ENOX1: variants seen among roughly 807,000 people sequenced by gnomAD.
ENOX1 encodes the protein ecto-NOX disulfide-thiol exchanger 1, also known as candidate growth-related and time keeping constitutive hydroquinone (NADH) oxidase.
A neutral mutation model predicts 82.5 loss-of-function variants in ENOX1; 42 were observed. That is an observed-to-expected ratio of 0.51 (90% CI 0.40 to 0.66). The LOEUF (loss-of-function observed/expected upper bound fraction) is 0.66. ENOX1 is among the 30% of genes least tolerant of loss of function. ENOX1 has a pLI of 0.00. For missense variants in ENOX1, 608 were observed against 811.6 expected, an observed-to-expected ratio of 0.75 and a Z score of 3.05; for synonymous variants, 271 against 282.2, an observed-to-expected ratio of 0.96 and a Z score of 0.40.
At chr13:43,560,422 T>C (rs1295086994) in intron 2 of ENOX1, among the ~76,000 whole-genome samples, 3 of 152,196 alleles carry the variant, frequency 2.0e-5, no homozygotes, top group African/African-American at 7.2e-5. Flanking sequence ...CACCACTAGA[T>C]AGCATCAACT....
intron 2 of ENOX1, among the ~76,000 whole-genome samples, chr13:43,526,713 C>T (rs1593638930): frequency 6.6e-6 from 1 of 152,108 alleles, no homozygotes; most frequent in African/African-American, 2.4e-5. Flanking sequence ...TATTGTTATA[C>T]TCTAGCCTAC....
intron 2 of ENOX1, chr13:43,609,925 G>A (rs1011325208): frequency 4.3e-5 from 42 of 980,666 alleles, no homozygotes; most frequent in Non-Finnish European, 5.0e-5. Context: ...TCCATCTGGA[G>A]AAGAGCAAGA....
At chr13:43,568,543 G>A (rs2080021985) in intron 2 of ENOX1, among the ~76,000 whole-genome samples, 1 of 152,162 alleles carries the variant, frequency 6.6e-6, no homozygotes, top group African/African-American at 2.4e-5. Flanking sequence ...CTCCACTTGA[G>A]CTTCTAGGGG....
intron 3 of ENOX1, among the ~76,000 whole-genome samples, chr13:43,416,184 TCCTCACA>T (rs2153602226): frequency 4.0e-5 from 5 of 124,188 alleles, no homozygotes; most frequent in East Asian, 2.5e-4. Context: ...ACAGAAGCGC[TCCTCACA>T]TCCCAGACGG....
intron 5 of ENOX1, among the ~76,000 whole-genome samples, chr13:43,407,633 T>C (rs1020299734): frequency 6.6e-6 from 1 of 152,164 alleles, no homozygotes; most frequent in Non-Finnish European, 1.5e-5. Flanking sequence ...ATCCCACTCT[T>C]TGAGAACTAC....
chr13:43,266,722 G>T (rs561743636), intron 13 of ENOX1, among the ~76,000 whole-genome samples: 19 of 152,232 alleles, frequency 1.2e-4, no homozygotes, highest in Admixed American at 5.9e-4. Flanking sequence ...GGACACAAAA[G>T]GACTTTTTAA....
intron 1 of ENOX1, among the ~76,000 whole-genome samples, chr13:43,720,763 T>C (rs190514838): frequency 3.5e-4 from 54 of 152,298 alleles, no homozygotes; most frequent in Admixed American, 3.0e-3. Flanking sequence ...TTTTTGATGC[T>C]CCATGAAGAC....
intron 2 of ENOX1, among the ~76,000 whole-genome samples, chr13:43,571,906 T>A (rs2080201551): frequency 6.6e-6 from 1 of 151,696 alleles, no homozygotes; most frequent in African/African-American, 2.4e-5. Context: ...GTGGGGGTGG[T>A]GCATGCGCAA....
chr13:43,468,833 T>A (rs2057861599), intron 3 of ENOX1, among the ~76,000 whole-genome samples: 1 of 152,210 alleles, frequency 6.6e-6, no homozygotes, highest in Non-Finnish European at 1.5e-5. Context: ...CTGCTTTTGT[T>A]AAGTTTATTC....
chr13:43,553,866 G>A (rs1309635250), intron 2 of ENOX1, among the ~76,000 whole-genome samples: 1 of 152,176 alleles, frequency 6.6e-6, no homozygotes, highest in Non-Finnish European at 1.5e-5. Context: ...TCCTGCTTCA[G>A]CCTCCCGAGC....
At chr13:43,533,501 G>T (rs888793479) in intron 2 of ENOX1, among the ~76,000 whole-genome samples, 2 of 151,954 alleles carry the variant, frequency 1.3e-5, no homozygotes, top group Non-Finnish European at 2.9e-5. Flanking sequence ...CATGAGTTTT[G>T]TCACCCAACT....
intron 2 of ENOX1, among the ~76,000 whole-genome samples, chr13:43,661,959 A>C (rs1354841740): frequency 1.3e-5 from 2 of 151,282 alleles, no homozygotes; most frequent in Non-Finnish European, 2.9e-5. Flanking sequence ...AATTTCACAG[A>C]CTGATTGATG....
chr13:43,270,419 A>G (rs1026254339), intron 12 of ENOX1, among the ~76,000 whole-genome samples: 1 of 152,174 alleles, frequency 6.6e-6, no homozygotes. Flanking sequence ...GCTACTGTAC[A>G]TAACAATTGC....
At chr13:43,257,905 G>A (rs2043842342) in intron 14 of ENOX1, among the ~76,000 whole-genome samples, 1 of 152,164 alleles carries the variant, frequency 6.6e-6, no homozygotes, top group Admixed American at 6.5e-5. Context: ...ACTGAAATTT[G>A]TTTCCTTTGC....
Position 43,474,768 on chromosome 13 carries a change from TCTAA to T in ENOX1, c.-75+9237_-75+9240del, listed in dbSNP as rs539297445. 3.7e-3 allele frequency among the ~76,000 whole-genome samples: 562 copies of T among 152,268 alleles called. 2 individuals carry two copies. The highest frequency in any genetic ancestry group is 0.011 in the African/African-American group (475 of 41,558). Reference sequence around the variant, plus strand: ...CTTCCTCCTGCTAAGCCATTGGTGGTCTAACTATTACTTTTTAAGAAAAATTAAT... The same window carrying T: ...CTTCCTCCTGCTAAGCCATTGGTGGTCTATTACTTTTTAAGAAAAATTAAT... On this transcript the variant is annotated intron_variant, in intron 3 of 16. Coordinates refer to ENST00000690772, the MANE Select transcript of ENOX1 (RefSeq NM_001347969.2).
At chr13:43,249,166 GAA>G (rs10709125) in intron 14 of ENOX1, among the ~76,000 whole-genome samples, 3 of 151,496 alleles carry the variant, frequency 2.0e-5, no homozygotes, top group Non-Finnish European at 2.9e-5. Flanking sequence ...CTAAAAATGA[GAA>G]AAAAAAAATT....
At chr13:43,331,997 G>A (rs544653855) in intron 9 of ENOX1, among the ~76,000 whole-genome samples, 5 of 152,252 alleles carry the variant, frequency 3.3e-5, no homozygotes, top group African/African-American at 1.2e-4. Context: ...AATAGAGGAA[G>A]AAAAGGGCAT....
intron 12 of ENOX1, among the ~76,000 whole-genome samples, chr13:43,293,577 T>C (rs2046128104): frequency 1.3e-5 from 2 of 152,208 alleles, no homozygotes; most frequent in Admixed American, 6.5e-5. Context: ...GATTTTGACA[T>C]ATAACATCAG....
intron 5 of ENOX1, among the ~76,000 whole-genome samples, chr13:43,362,753 G>T (rs2050609650): frequency 1.3e-5 from 2 of 152,140 alleles, no homozygotes; most frequent in Admixed American, 1.3e-4. Flanking sequence ...CTGGGAAAAG[G>T]TTTACAGATT....
Sources: gnomAD v4.1 joint callset for allele counts (sites outside exome capture counted in the v4.1 genomes callset) on GRCh38, gnomAD v4.1.1 for gene constraint, MANE v1.5 for transcripts, NCBI Gene and HGNC (gene_info 2026-07-23, HGNC 2026-07-21) for gene names.